Variants in KAZN observed in about 807,000 individuals in gnomAD.
The protein encoded by KAZN is kazrin.
Under a neutral mutation model 87.4 loss-of-function variants are expected in KAZN, and 40 were observed. The ratio of observed to expected loss-of-function variants is 0.46; its 90% CI spans 0.36 to 0.60. KAZN has a LOEUF of 0.60. KAZN is among the 20% of genes least tolerant of loss of function. KAZN has a pLI of 0.00. For synonymous variants in KAZN, 466 were observed against 458.3 expected, an observed-to-expected ratio of 1.02 and a Z score of -0.22; for missense variants, 898 against 1,073.9, an observed-to-expected ratio of 0.84 and a Z score of 2.29.
chr1:14,420,883 TCCCTCCACACCTC>T (rs56088360), intron 2 of KAZN, among the ~76,000 whole-genome samples: 78,975 of 146,848 alleles, frequency 0.54, 21,497 homozygotes, highest in South Asian at 0.75. Flanking sequence ...CCCGCACCTC[TCCCTCCACACCTC>T]CCCTCCACAC....
At chr1:14,604,657 A>C (rs924679719) in intron 1 of KAZN, among the ~76,000 whole-genome samples, 21 of 152,212 alleles carry the variant, frequency 1.4e-4, no homozygotes, top group African/African-American at 4.8e-4. Context: ...CAACTGTTTG[A>C]GCAGGTGGCT....
At chr1:14,793,909 C>T (rs1346131788) in intron 1 of KAZN, among the ~76,000 whole-genome samples, 1 of 152,202 alleles carries the variant, frequency 6.6e-6, no homozygotes, top group South Asian at 2.1e-4. Context: ...GCCGTGCCCT[C>T]GCCTGTTAGG....
intron 8 of KAZN, chr1:15,067,455 A>G (rs1268459606): frequency 3.7e-5 from 36 of 985,350 alleles, no homozygotes; most frequent in Non-Finnish European, 4.3e-5. Flanking sequence ...TGAGCTGTTC[A>G]GCAAGGTCTG....
rs555893731 is a variant in KAZN, at chr1:13,933,948, C to T, written c.91+40192C>T. ...GGATGGATGAATTCTTAAAGAAGAC[C>T]GTCAGAGACAAAAGATGTGTTGGAT... On this transcript the variant is annotated intron_variant, in intron 1 of 16. Coordinates refer to the KAZN transcript ENST00000636203. 2.9e-3 allele frequency among the ~76,000 whole-genome samples: 447 copies of T among 152,156 alleles called. 2 individuals carry two copies. Among genetic ancestry groups the T allele is most frequent in the Admixed American group, 6.1e-3 (93 of 15,274 alleles).
chr1:14,435,984 T>C (rs1398967865), intron 2 of KAZN, among the ~76,000 whole-genome samples: 1 of 152,146 alleles, frequency 6.6e-6, no homozygotes, highest in African/African-American at 2.4e-5. Context: ...TTGAGTCAAA[T>C]ACTGTCACAA....
At chr1:15,088,100 A>C (rs1401274818) in intron 8 of KAZN, among the ~76,000 whole-genome samples, 2 of 152,224 alleles carry the variant, frequency 1.3e-5, no homozygotes, top group Non-Finnish European at 2.9e-5. Context: ...CGGGCCAAAA[A>C]ACTTTGTGGG....
At chr1:14,495,789 C>T (rs539964263) in intron 2 of KAZN, among the ~76,000 whole-genome samples, 2 of 152,002 alleles carry the variant, frequency 1.3e-5, no homozygotes, top group Non-Finnish European at 2.9e-5. Flanking sequence ...GAGGGCTTCT[C>T]GAAAATGAAA....
At chr1:14,794,763 T>C (rs906239968) in intron 1 of KAZN, among the ~76,000 whole-genome samples, 1 of 152,162 alleles carries the variant, frequency 6.6e-6, no homozygotes, top group Non-Finnish European at 1.5e-5. Flanking sequence ...CAAAGTATTG[T>C]TTCTGGGTGT....
At chr1:15,107,944 G>A (rs932524766) in intron 13 of KAZN, among the ~76,000 whole-genome samples, 11 of 152,234 alleles carry the variant, frequency 7.2e-5, no homozygotes, top group East Asian at 3.9e-4. Context: ...ATAGATGCCC[G>A]GCAGTAACTG....
intron 4 of KAZN, among the ~76,000 whole-genome samples, chr1:15,050,751 G>A (rs920666486): frequency 1.3e-5 from 2 of 152,168 alleles, no homozygotes; most frequent in African/African-American, 4.8e-5. Context: ...TGAGGGCAGG[G>A]TCTGCCCAAT....
intron 2 of KAZN, among the ~76,000 whole-genome samples, chr1:14,256,205 G>T (rs550628612): frequency 2.0e-5 from 3 of 152,074 alleles, no homozygotes; most frequent in African/African-American, 7.2e-5. Context: ...TTCCCGGTGC[G>T]TTGGAGTTGC....
At chr1:15,011,476 C>T (rs1463434690) in intron 2 of KAZN, among the ~76,000 whole-genome samples, 1 of 152,168 alleles carries the variant, frequency 6.6e-6, no homozygotes, top group Non-Finnish European at 1.5e-5. Context: ...GGGAGAGGCC[C>T]TCTTCCCAGA....
intron 2 of KAZN, among the ~76,000 whole-genome samples, chr1:14,579,788 G>A (rs745565019): frequency 3.9e-5 from 6 of 152,076 alleles, no homozygotes; most frequent in Non-Finnish European, 7.4e-5. Flanking sequence ...GCATCCAGGG[G>A]GACTCACATG....
At position 14,111,168 on chromosome 1, in the gene KAZN, T is replaced by A. The variant is rs1321926983; in HGVS notation, c.92-69267T>A. Among the ~76,000 whole-genome samples, 2 of 133,870 alleles carry A rather than the reference T, an allele frequency of 1.5e-5. 1 individual carries two copies. The highest frequency in any genetic ancestry group is 5.8e-5 in the African/African-American group (2 of 34,410). The allele number at this position is 133,870 out of a possible 152,430, so 87.8% of individuals were successfully genotyped here. A position where few individuals can be genotyped will look rare whatever the true frequency, so the allele number is the denominator to read the frequency against. On this transcript the variant is annotated intron_variant, in intron 1 of 16. Transcript: ENST00000636203. ...CAGACATTAGGCAAAATGCTAGAGA[T>A]AGGGGGACAGCAGGATAAATAGAGT...
At chr1:14,532,347 G>A (rs1672250544) in intron 2 of KAZN, among the ~76,000 whole-genome samples, 1 of 152,102 alleles carries the variant, frequency 6.6e-6, no homozygotes, top group Non-Finnish European at 1.5e-5. Context: ...GCATTGGAGA[G>A]ATGATAAAAT....
intron 2 of KAZN, among the ~76,000 whole-genome samples, chr1:14,213,112 T>A (rs766060799): frequency 3.9e-5 from 6 of 152,154 alleles, no homozygotes; most frequent in Non-Finnish European, 7.4e-5. Context: ...ATATGTAAAT[T>A]TTCTGTATTT....
chr1:14,310,069 C>T (rs746801555), intron 2 of KAZN, among the ~76,000 whole-genome samples: 3 of 151,964 alleles, frequency 2.0e-5, no homozygotes, highest in Non-Finnish European at 2.9e-5. Flanking sequence ...GTTGGAGCAA[C>T]GGGCGGCAAG....
In KAZN at chr1:14,362,309, A is replaced by G. The variant is rs951766400; in HGVS notation, c.249+181717A>G. On this transcript the variant is annotated intron_variant, in intron 2 of 16. Transcript: ENST00000636203. Reference sequence around the variant, plus strand: ...AGGCCTCAGTTGCTGGCTGTTGACGAGAGTCTGTCCTCAGTTTTTGTGATA... The same window carrying G: ...AGGCCTCAGTTGCTGGCTGTTGACGGGAGTCTGTCCTCAGTTTTTGTGATA... Among the ~76,000 whole-genome samples the G allele has an allele frequency of 1.6e-4, 25 of 152,194 alleles. 1 individual carries two copies. Among genetic ancestry groups the G allele is most frequent in the Admixed American group, 1.4e-3 (22 of 15,284 alleles).
chr1:14,415,678 T>C (rs966283747), intron 2 of KAZN, among the ~76,000 whole-genome samples: 4 of 152,144 alleles, frequency 2.6e-5, no homozygotes, highest in Non-Finnish European at 5.9e-5. Flanking sequence ...GCTTGTGCTG[T>C]GTTGTGCAGT....
Sources: allele counts gnomAD v4.1 joint callset (sites outside exome capture counted in the v4.1 genomes callset), GRCh38; gene constraint gnomAD v4.1.1; transcripts MANE v1.5; gene names NCBI Gene and HGNC (gene_info 2026-07-23, HGNC 2026-07-21).